The following DBF4 variants were observed in gnomAD, a reference collection of about 807,000 sequenced individuals.
DBF4 encodes protein DBF4 homolog A.
In DBF4, 25 loss-of-function variants were observed where a neutral mutation model predicts 76.6. That is an observed-to-expected ratio of 0.33 (90% CI 0.24 to 0.46). The LOEUF is 0.46. Ranked by LOEUF, DBF4 falls within the 20% of genes least tolerant of loss-of-function variation. The pLI, the probability that DBF4 is intolerant of heterozygous loss-of-function variation, is 1.00. For synonymous variants in DBF4, 213 were observed against 258.0 expected (o/e 0.83, Z 1.67); for missense variants, 638 against 760.8 (o/e 0.84, Z 1.90).
intron 2 of DBF4, 120 bp downstream of exon 2, chr7:87,878,345 T>G: frequency 1.3e-6 from 1 of 758,482 alleles, no homozygotes; most frequent in Admixed American, 3.1e-5. Context: ...CTTAACATTT[T>G]TATCAGCTGT....
At chr7:87,886,971 A>G in intron 4 of DBF4, 77 bp downstream of exon 4, 1 of 1,040,872 alleles carries the variant, frequency 9.6e-7, no homozygotes, top group Non-Finnish European at 1.4e-6. Flanking sequence ...ATATTCTTGA[A>G]ATTTTCCTTT....
Position 87,897,484 on chromosome 7 carries a change from C to T in DBF4, c.680+145C>T, listed in dbSNP as rs185599488. 9.2e-4 allele frequency: 582 copies of T among 629,608 alleles called. 1 individual carries two copies. The highest frequency in any genetic ancestry group is 1.3e-3 in the Non-Finnish European group (499 of 386,262). The allele number at this position is 629,608 out of a possible 1,614,324, so 39.0% of individuals were successfully genotyped here. The stretch of plus-strand genomic sequence containing the variant: ...CTAATGTGCATGCGGCACAAGTTAA[C>T]GAAAGTAGCATTAATTCATTTGTGC... On this transcript the variant is annotated intron_variant, in intron 8 of 11. Coordinates refer to ENST00000265728, the MANE Select transcript of DBF4 (RefSeq NM_006716.4).
chr7:87,897,582 G>A (rs1030482186), intron 8 of DBF4, among the ~76,000 whole-genome samples: 3 of 152,072 alleles, frequency 2.0e-5, no homozygotes, highest in Admixed American at 1.3e-4. Flanking sequence ...TCATGACACC[G>A]TTTTTTTAGT....
At chr7:87,880,050 G>C (rs1029780137) in intron 2 of DBF4, among the ~76,000 whole-genome samples, 1 of 151,704 alleles carries the variant, frequency 6.6e-6, no homozygotes, top group African/African-American at 2.4e-5. Context: ...TAGGTCTAAT[G>C]GTCTAAATCA....
intron 5 of DBF4, 79 bp from the exon 6 acceptor site, chr7:87,887,904 A>T: frequency 2.3e-6 from 3 of 1,317,950 alleles, no homozygotes; most frequent in Non-Finnish European, 3.1e-6. Flanking sequence ...TCTTTATCTA[A>T]TTTAACTACA....
intron 2 of DBF4, among the ~76,000 whole-genome samples, chr7:87,881,775 A>G (rs1357455693): frequency 2.6e-5 from 4 of 152,248 alleles, no homozygotes; most frequent in Admixed American, 2.0e-4. Context: ...AGTGTTGTCA[A>G]TGCTTTGACA....
chr7:87,889,856 A>G (rs2131054423), intron 6 of DBF4, among the ~76,000 whole-genome samples: 1 of 152,332 alleles, frequency 6.6e-6, no homozygotes, highest in South Asian at 2.1e-4. Context: ...GAGGAATTAC[A>G]AGGATTAGAT....
At chr7:87,878,464 T>C (rs1016771460) in intron 2 of DBF4, 3 of 365,446 alleles carry the variant, frequency 8.2e-6, no homozygotes, top group Non-Finnish European at 1.5e-5. Context: ...AAGACTCCCC[T>C]GTCCTAGTGG....
chr7:87,882,279 A>AT (rs1229926819), intron 2 of DBF4, among the ~76,000 whole-genome samples: 2 of 152,238 alleles, frequency 1.3e-5, no homozygotes, highest in East Asian at 3.8e-4. Flanking sequence ...GGATATCTAC[A>AT]TGCAGAAAAA....
chr7:87,880,443 A>G lies in DBF4; in HGVS notation c.219+2218A>G, dbSNP rs527797799. Among the ~76,000 whole-genome samples, 12 of 152,298 alleles carry G rather than the reference A, an allele frequency of 7.9e-5. No homozygotes were observed. The East Asian group carries it at 1.3e-3, about 17-fold the overall frequency. ...GTGGATTTTCAATGGAATTTGATTTATTAACTTTCTCCTAAAAAATGTCTT... is the reference window on the plus strand; with the variant it reads ...GTGGATTTTCAATGGAATTTGATTTGTTAACTTTCTCCTAAAAAATGTCTT... On this transcript the variant is annotated intron_variant, in intron 2 of 11. Transcript: ENST00000265728.
chr7:87,876,777 G>C lies in DBF4; in HGVS notation c.45G>C (p.Gln15His), dbSNP rs1165615849. The change falls in exon 1 of 12, where the codon CAG becomes CAC. Residue 15 changes from glutamine (Q) to histidine (H), a missense_variant and splice_region_variant. Physicochemically the swap from Gln to His is conservative, Grantham distance 24 (BLOSUM62 0). Coordinates refer to ENST00000265728, the MANE Select transcript of DBF4 (RefSeq NM_006716.4). ...AMRIHSKGHF[Q>H]GGIQVKNEKN... The stretch of plus-strand genomic sequence containing the variant: ...GGATCCACAGTAAAGGACATTTCCA[G>C]GGTAAGAAGCCCCTCCTCCGCCTGC... 1 of 1,614,148 alleles carries C rather than the reference G, an allele frequency of 6.2e-7. No individual in the cohort carries two copies.
chr7:87,907,572 G>A lies in DBF4; in HGVS notation c.1434G>A (p.Arg478=), dbSNP rs764145904. 20 of 1,613,814 alleles carry A rather than the reference G, an allele frequency of 1.2e-5. No homozygotes were observed. Among genetic ancestry groups the A allele is most frequent in the Admixed American group, 1.7e-5 (1 of 60,006 alleles). ...GTGAAAATGACTTAGAAGAACTAAG[G>A]GTAGATCACTATAAATGTAACATAC... The part of the protein sequence containing the change: ...TLSENDLEEL[R]VDHYKCNIQA... The change falls in exon 12 of 12, where the codon AGG becomes AGA. Residue 478 remains arginine, a synonymous_variant. Coordinates refer to ENST00000265728, the MANE Select transcript of DBF4 (RefSeq NM_006716.4).
At chr7:87,879,951 CAAAAA>C (rs78858917) in intron 2 of DBF4, among the ~76,000 whole-genome samples, 38 of 100,456 alleles carry the variant, frequency 3.8e-4, no homozygotes, top group Non-Finnish European at 6.5e-4. Flanking sequence ...ACCCTATGTC[CAAAAA>C]AAAAAAAAAA....
chr7:87,894,992 T>C lies in DBF4; in HGVS notation c.598-1482T>C, dbSNP rs77601813. Among the ~76,000 whole-genome samples, 1,161 of 152,288 alleles carry C rather than the reference T, an allele frequency of 7.6e-3. 10 individuals carry two copies. Among genetic ancestry groups the C allele is most frequent in the African/African-American group, 0.027 (1,109 of 41,574 alleles). On this transcript the variant is annotated intron_variant, in intron 6 of 11. Coordinates refer to ENST00000265728, the MANE Select transcript of DBF4 (RefSeq NM_006716.4). ...CTCCCCTCTTTTTCCACCATTCCAGTTGACAATAAAGTTAGACATCTTGAT... is the reference window on the plus strand; with the variant it reads ...CTCCCCTCTTTTTCCACCATTCCAGCTGACAATAAAGTTAGACATCTTGAT...
intron 10 of DBF4, among the ~76,000 whole-genome samples, 160 bp from the exon 11 acceptor site, chr7:87,904,130 TTA>T (rs1384834971): frequency 6.6e-6 from 1 of 152,226 alleles, no homozygotes; most frequent in Non-Finnish European, 1.5e-5. Context: ...TTATTTTATT[TTA>T]TTTTAAACGT....
chr7:87,881,253 A>G lies in DBF4; in HGVS notation c.219+3028A>G, dbSNP rs1839207571. Among the ~76,000 whole-genome samples the G allele has an allele frequency of 1.3e-5, 2 of 152,252 alleles. 1 individual carries two copies. Among genetic ancestry groups the G allele is most frequent in the Non-Finnish European group, 2.9e-5 (2 of 68,012 alleles). ...GAAACCCCATCTCTACTAAAAATAC[A>G]AAAATTTAGCTGGGCATGGTGGCGC... On this transcript the variant is annotated intron_variant, in intron 2 of 11. Coordinates refer to ENST00000265728, the MANE Select transcript of DBF4 (RefSeq NM_006716.4).
At chr7:87,888,581 A>G (rs1363198864) in intron 6 of DBF4, among the ~76,000 whole-genome samples, 1 of 152,152 alleles carries the variant, frequency 6.6e-6, no homozygotes, top group African/African-American at 2.4e-5. Flanking sequence ...TGAAGCATCT[A>G]TACAGTTTCA....
chr7:87,894,527 A>G (rs1339326260), intron 6 of DBF4, among the ~76,000 whole-genome samples: 1 of 152,190 alleles, frequency 6.6e-6, no homozygotes, highest in Non-Finnish European at 1.5e-5. Context: ...CCAGATGTTA[A>G]CCTTTCCATT....
At chr7:87,907,148 G>T in intron 11 of DBF4, 40 bp from the exon 12 acceptor site, 1 of 1,464,002 alleles carries the variant, frequency 6.8e-7, no homozygotes, top group Non-Finnish European at 9.1e-7. Flanking sequence ...TGTTTTGATA[G>T]CAATTATTTT....
Sources: gnomAD v4.1 joint callset for allele counts (sites outside exome capture counted in the v4.1 genomes callset) on GRCh38, gnomAD v4.1.1 for gene constraint, MANE v1.5 for transcripts, NCBI Gene and HGNC (gene_info 2026-07-23, HGNC 2026-07-21) for gene names.